The following MAGEA10 variants were observed in gnomAD, a reference collection of about 807,000 sequenced individuals.
MAGEA10 encodes the protein MAGE family member A10.
MAGEA10 carries 7 observed loss-of-function variants against 8.6 expected under a neutral mutation model. That is an observed-to-expected ratio of 0.82 (90% CI 0.46 to 1.53). MAGEA10 has a LOEUF of 1.53. MAGEA10 is among the 40% of genes most tolerant of loss of function. The pLI is 0.01. For synonymous variants in MAGEA10, 125 were observed against 107.4 expected, an observed-to-expected ratio of 1.16 and a Z score of -1.02; for missense variants, 293 against 274.0, an observed-to-expected ratio of 1.07 and a Z score of -0.49.
rs1237435415 is a variant in MAGEA10, at chrX:152,134,724, AC to A, written c.896del (p.Gly299ValfsTer11). On this transcript the variant is annotated frameshift_variant, in exon 4 of 4. Transcript: ENST00000370323. LOFTEE classifies it high-confidence loss of function. ...SDPARYEFLW[G>X]PRAHAEIRKM... ...TCCTAATTTCAGCATGAGCCCTTGG[AC>A]CCCACAGAAACTCATACCGTGCAGG... 1 of 1,209,134 alleles carries A rather than the reference AC, an allele frequency of 8.3e-7. No homozygotes were observed. Among genetic ancestry groups the A allele is most frequent in the Admixed American group, 2.2e-5 (1 of 45,775 alleles).
chrX:152,136,348 A>G (rs1372860378), intron 2 of MAGEA10, among the ~76,000 whole-genome samples: 1 of 111,752 alleles, frequency 8.9e-6, no homozygotes, highest in Non-Finnish European at 1.9e-5. Context: ...ACAACTGCAG[A>G]GGTCCTCCCA....
chrX:152,136,009 T>C lies in MAGEA10; in HGVS notation c.-139-175A>G, dbSNP rs1367193913. Reference sequence around the variant, plus strand: ...CCTCACCTTGACTCCTGGCACTGTCTGGGCCCTTTCTGCTCTGTGACCTGA... The same window carrying C: ...CCTCACCTTGACTCCTGGCACTGTCCGGGCCCTTTCTGCTCTGTGACCTGA... On this transcript the variant is annotated intron_variant, in intron 2 of 3. Transcript: ENST00000370323. 10 of 135,179 alleles carry C rather than the reference T, an allele frequency of 7.4e-5. No individual in the cohort carries two copies. In the East Asian group the frequency reaches 1.6e-3, roughly 21 times the overall value. The allele number at this position is 135,179 out of a possible 1,213,427, so 11.1% of individuals were successfully genotyped here. A position where few individuals can be genotyped will look rare whatever the true frequency, so the allele number is the denominator to read the frequency against.
chrX:152,134,437 T>C lies in MAGEA10; in HGVS notation c.*74A>G. On this transcript the variant is annotated 3_prime_UTR_variant, in exon 4 of 4. Transcript: ENST00000370323. ...TACCAACTTTTTTTTTTTTTTTTTT[T>C]AGATTCCACATATGAGTAAAATCAT... 1 of 830,477 alleles carries C rather than the reference T, an allele frequency of 1.2e-6. No homozygotes were observed. The highest frequency in any genetic ancestry group is 1.6e-6 in the Non-Finnish European group (1 of 607,562). 68.4% of individuals were successfully genotyped at this position (830,477 alleles called of 1,213,427 possible).
Position 152,134,924 on chromosome X carries a change from T to C in MAGEA10, c.697A>G (p.Ile233Val), listed in dbSNP as rs777835646. ...GTGCAGTAGCCCTCTATGAAGACTA[T>C]GCTTAGGATAAGTATGAGAATGCCA... ...KTGILILILS[I>V]VFIEGYCTPE... The change falls in exon 4 of 4, where the codon ATA becomes GTA. Residue 233 changes from isoleucine (I) to valine (V), a missense_variant. By Grantham distance (29) the Ile-to-Val change is conservative. Transcript: ENST00000370323. The C allele has an allele frequency of 2.5e-6, 3 of 1,210,702 alleles. No individual in the cohort carries two copies. Among genetic ancestry groups the C allele is most frequent in the Non-Finnish European group, 3.4e-6 (3 of 894,954 alleles).
chrX:152,135,155 T>C lies in MAGEA10; in HGVS notation c.466A>G (p.Thr156Ala), dbSNP rs1480586254. Reference protein sequence around the residue: ...LFKYQMKEPITKAEILESVIR... With the variant: ...LFKYQMKEPIAKAEILESVIR... ...ACACTCTCCAGTATTTCTGCCTTTG[T>C]GATCGGCTCCTTCATTTGATACTTG... Residue 156 changes from threonine (T) to alanine (A), a missense_variant, in exon 4 of 4, where the codon ACA (threonine) becomes GCA (alanine). By Grantham distance (58) the Thr-to-Ala change is moderately conservative. Transcript: ENST00000370323. The C allele has an allele frequency of 1.7e-6, 2 of 1,209,376 alleles. No individual in the cohort carries two copies. The highest frequency in any genetic ancestry group is 4.4e-5 in the Admixed American group (2 of 45,794).
At chrX:152,137,219 AG>A (rs1936693352) in intron 1 of MAGEA10, among the ~76,000 whole-genome samples, 2 of 108,930 alleles carry the variant, frequency 1.8e-5, no homozygotes, top group Admixed American at 1.9e-4. Context: ...GTCCTCACTA[AG>A]GGGGCACCCC....
At position 152,134,090 on chromosome X, in the gene MAGEA10, A is replaced by G. The variant is rs1209455952; in HGVS notation, c.*421T>C. On this transcript the variant is annotated 3_prime_UTR_variant, in exon 4 of 4. Coordinates refer to ENST00000370323, the MANE Select transcript of MAGEA10 (RefSeq NM_021048.5). Reference sequence around the variant, plus strand: ...TCCACCACATACATCATTGATTTCCATTCTCATTTGTTTTCATAAATTAAA... The same window carrying G: ...TCCACCACATACATCATTGATTTCCGTTCTCATTTGTTTTCATAAATTAAA... The G allele has an allele frequency of 8.2e-6, 1 of 121,861 alleles. No individual in the cohort carries two copies. Among genetic ancestry groups the G allele is most frequent in the Non-Finnish European group, 1.7e-5 (1 of 59,952 alleles). The allele number at this position is 121,861 out of a possible 1,213,427, so 10.0% of individuals were successfully genotyped here.
Position 152,135,827 on chromosome X carries a change from C to G in MAGEA10, c.-132G>C, listed in dbSNP as rs1936663371. On this transcript the variant is annotated 5_prime_UTR_variant, in exon 3 of 4. Coordinates refer to ENST00000370323, the MANE Select transcript of MAGEA10 (RefSeq NM_021048.5). ...CTTGACCTCTTGCTCTCCCTGTCCC[C>G]TGAGAACCTGAAGAAGGAAGTGAGA... 6.3e-6 allele frequency: 2 copies of G among 317,368 alleles called. No individual in the cohort carries two copies. Among genetic ancestry groups the G allele is most frequent in the South Asian group, 1.8e-4 (1 of 5,618 alleles). The allele number at this position is 317,368 out of a possible 1,213,427, so 26.2% of individuals were successfully genotyped here. A position where few individuals can be genotyped will look rare whatever the true frequency, so the allele number is the denominator to read the frequency against.
At chrX:152,138,341 T>TGGGGGGGGGGG (rs11365460) in intron 1 of MAGEA10, 134 bp downstream of exon 1, 31 of 26,405 alleles carry the variant, frequency 1.2e-3, no homozygotes, top group South Asian at 5.5e-3. Flanking sequence ...GGGGCGGGGG[T>TGGGGGGGGGGG]GGGGGGGGGG....
Position 152,136,641 on chromosome X carries a change from T to C in MAGEA10, c.-140+230A>G, listed in dbSNP as rs140919505. 6.0e-3 allele frequency among the ~76,000 whole-genome samples: 672 copies of C among 111,255 alleles called. 12 individuals are homozygous for C. Among genetic ancestry groups the C allele is most frequent in the African/African-American group, 0.021 (635 of 30,522 alleles). ...GAATGGTGTCCCCTCAGTCCTCACC[T>C]TGACTCCTGGCAGGGTCTGGGACCC... On this transcript the variant is annotated intron_variant, in intron 2 of 3. Coordinates refer to ENST00000370323, the MANE Select transcript of MAGEA10 (RefSeq NM_021048.5).
rs991600748 is a variant in MAGEA10, at chrX:152,134,121, A to C, written c.*390T>G. ...ATTTGTTTTCATAAATTAAAAAAAAACAAAAACATAAACAAAAACTGACAT... is the reference window on the plus strand; with the variant it reads ...ATTTGTTTTCATAAATTAAAAAAAACCAAAAACATAAACAAAAACTGACAT... On this transcript the variant is annotated 3_prime_UTR_variant, in exon 4 of 4. Coordinates refer to ENST00000370323, the MANE Select transcript of MAGEA10 (RefSeq NM_021048.5). 7.6e-5 allele frequency: 10 copies of C among 131,420 alleles called. No homozygotes were observed. Among genetic ancestry groups the C allele is most frequent in the Non-Finnish European group, 1.1e-4 (7 of 66,508 alleles). 10.8% of individuals were successfully genotyped at this position (131,420 alleles called of 1,213,427 possible).
At chrX:152,136,747 G>A (rs754280119) in intron 2 of MAGEA10, 124 bp downstream of exon 2, 1 of 111,646 alleles carries the variant, frequency 9.0e-6, no homozygotes, top group East Asian at 2.9e-4. Flanking sequence ...ATAAGACAGG[G>A]AGACTCAGCG....
chrX:152,135,093 A>G lies in MAGEA10; in HGVS notation c.528T>C (p.Phe176=), dbSNP rs1431775754. Residue 176 remains phenylalanine (F), a synonymous_variant, in exon 4 of 4, where the codon TTT becomes TTC. Coordinates refer to ENST00000370323, the MANE Select transcript of MAGEA10 (RefSeq NM_021048.5). The stretch of plus-strand genomic sequence containing the variant: ...GCAGCATGCACTCGGAGGCTTCACT[A>G]AACAACAAAGGGAAGTGGTCTTCAT... ...RNYEDHFPLL[F]SEASECMLLV... 1 of 1,211,276 alleles carries G rather than the reference A, an allele frequency of 8.3e-7. No individual in the cohort carries two copies. The highest frequency in any genetic ancestry group is 1.1e-6 in the Non-Finnish European group (1 of 895,127).
Position 152,135,423 on chromosome X carries a change from T to G in MAGEA10, c.198A>C (p.Leu66=). ...AAACCTCCTCTGGGGTGCTTGGTATTAGAGGATAGCAGGAGGAGGAGGAGG... is the reference window on the plus strand; with the variant it reads ...AAACCTCCTCTGGGGTGCTTGGTATGAGAGGATAGCAGGAGGAGGAGGAGG... ...SSSSSSSCYP[L]IPSTPEEVSA... Residue 66 remains leucine (L), a synonymous_variant, in exon 4 of 4, where the codon CTA becomes CTC. Coordinates refer to ENST00000370323, the MANE Select transcript of MAGEA10 (RefSeq NM_021048.5). 1 of 1,194,872 alleles carries G rather than the reference T, an allele frequency of 8.4e-7. No homozygotes were observed. The highest frequency in any genetic ancestry group is 1.1e-6 in the Non-Finnish European group (1 of 887,071).
chrX:152,134,885 T>A lies in MAGEA10; in HGVS notation c.736A>T (p.Ile246Phe), dbSNP rs772987237. 1 of 1,209,103 alleles carries A rather than the reference T, an allele frequency of 8.3e-7. No homozygotes were observed. Among genetic ancestry groups the A allele is most frequent in the African/African-American group, 1.8e-5 (1 of 56,946 alleles). The change falls in exon 4 of 4, where the codon ATC becomes TTC. Residue 246 changes from isoleucine to phenylalanine, a missense_variant. Ile to Phe is a conservative substitution (Grantham distance 21). Transcript: ENST00000370323. ...CCCATCATATTCAGTGCTTCCCAGA[T>A]GACCTCCTCAGGGGTGCAGTAGCCC... ...IEGYCTPEEV[I>F]WEALNMMGLY...
At chrX:152,137,922 C>T (rs1936714371) in intron 1 of MAGEA10, among the ~76,000 whole-genome samples, 1 of 110,652 alleles carries the variant, frequency 9.0e-6, no homozygotes, top group African/African-American at 3.3e-5. Flanking sequence ...TTCTCCTCTA[C>T]CACGCCCCGC....
Position 152,135,159 on chromosome X carries a change from C to A in MAGEA10, c.462G>T (p.Pro154=), listed in dbSNP as rs146444641. ...TCTCCAGTATTTCTGCCTTTGTGAT[C>A]GGCTCCTTCATTTGATACTTGAAGA... ...FLLFKYQMKE[P]ITKAEILESV... Residue 154 remains proline, a synonymous_variant, in exon 4 of 4, where the codon CCG becomes CCT. Transcript: ENST00000370323. The A allele has an allele frequency of 3.5e-4, 423 of 1,208,644 alleles. No homozygotes were observed. The Middle Eastern group carries it at 3.9e-3, about 11-fold the overall frequency.
At chrX:152,137,211 CCTCA>C (rs1356117951) in intron 1 of MAGEA10, among the ~76,000 whole-genome samples, 2 of 109,687 alleles carry the variant, frequency 1.8e-5, no homozygotes, top group African/African-American at 3.3e-5. Context: ...TACCTCCAGT[CCTCA>C]CTAAGGGGGC....
rs1430673413 is a variant in MAGEA10, at chrX:152,137,470, C to A, written c.-238-501G>T. Among the ~76,000 whole-genome samples the A allele has an allele frequency of 4.6e-5, 4 of 86,406 alleles. No individual in the cohort carries two copies. The Admixed American group carries it at 5.4e-4, about 12-fold the overall frequency. The allele number at this position is 86,406 out of a possible 115,157, so 75.0% of individuals were successfully genotyped here. ...GGGGAGGGGGACAAGACGGGGACTT[C>A]CTTTATTTGGGTGTCCTCCAGGTAT... On this transcript the variant is annotated intron_variant, in intron 1 of 3. Coordinates refer to ENST00000370323, the MANE Select transcript of MAGEA10 (RefSeq NM_021048.5).
Sources: gnomAD v4.1 joint callset for allele counts (sites outside exome capture counted in the v4.1 genomes callset) on GRCh38, gnomAD v4.1.1 for gene constraint, MANE v1.5 for transcripts, NCBI Gene and HGNC (gene_info 2026-07-23, HGNC 2026-07-21) for gene names.